CTIF: variants seen among roughly 807,000 people sequenced by gnomAD.
CTIF encodes the protein CBP80/20-dependent translation initiation factor.
Under a neutral mutation model 66.0 loss-of-function variants are expected in CTIF, and 21 were observed. The ratio of observed to expected loss-of-function variants is 0.32; its 90% CI spans 0.23 to 0.46. The LOEUF (loss-of-function observed/expected upper bound fraction) is 0.46, where lower values mean the gene tolerates loss of function less well. CTIF is among the 20% of genes least tolerant of loss of function. The pLI is 1.00. For synonymous variants in CTIF, 345 were observed against 326.4 expected, an observed-to-expected ratio of 1.06 and a Z score of -0.62; for missense variants, 739 against 812.7, an observed-to-expected ratio of 0.91 and a Z score of 1.10.
At chr18:48,580,564 GACACC>G in intron 1 of CTIF, among the ~76,000 whole-genome samples, 1 of 152,090 alleles carries the variant, frequency 6.6e-6, no homozygotes, top group African/African-American at 2.4e-5. Flanking sequence ...ACTTAACCTG[GACACC>G]TTTGGGCCCC....
intron 10 of CTIF, among the ~76,000 whole-genome samples, chr18:48,853,553 C>T (rs1475839749): frequency 6.6e-6 from 1 of 152,210 alleles, no homozygotes. Flanking sequence ...TTAAGGCCCA[C>T]CTCTGCTCAC....
intron 11 of CTIF, among the ~76,000 whole-genome samples, chr18:48,858,669 C>T (rs1208662578): frequency 2.0e-5 from 3 of 152,082 alleles, no homozygotes; most frequent in African/African-American, 4.8e-5. Flanking sequence ...CAGGGGTGTG[C>T]TGGTCCAGGA....
At chr18:48,554,089 G>C (rs2088958699) in intron 1 of CTIF, among the ~76,000 whole-genome samples, 1 of 152,180 alleles carries the variant, frequency 6.6e-6, no homozygotes, top group Admixed American at 6.5e-5. Context: ...AGCTGCTGTG[G>C]TGGAGTGGCT....
chr18:48,575,110 G>A (rs920819815), intron 1 of CTIF, among the ~76,000 whole-genome samples: 1 of 152,234 alleles, frequency 6.6e-6, no homozygotes, highest in African/African-American at 2.4e-5. Context: ...CCAGGGTGCA[G>A]GGGAAAGGTC....
intron 10 of CTIF, chr18:48,825,929 G>C (rs748997566): frequency 1.3e-5 from 2 of 152,176 alleles, no homozygotes; most frequent in Non-Finnish European, 2.9e-5. Flanking sequence ...TCCGGCCAAG[G>C]TTAAGGAACA....
chr18:48,785,059 G>A (rs1412646268), intron 9 of CTIF, among the ~76,000 whole-genome samples: 1 of 152,098 alleles, frequency 6.6e-6, no homozygotes, highest in Admixed American at 6.5e-5. Context: ...TTTGTTTCTG[G>A]AAAAAACAGG....
At chr18:48,651,809 AACTC>A (rs1204583086) in intron 3 of CTIF, among the ~76,000 whole-genome samples, 1 of 152,204 alleles carries the variant, frequency 6.6e-6, no homozygotes, top group Non-Finnish European at 1.5e-5. Context: ...AGGATTAAGA[AACTC>A]ACTCAAAACC....
intron 9 of CTIF, among the ~76,000 whole-genome samples, chr18:48,814,466 G>A (rs57084350): frequency 6.6e-6 from 1 of 152,282 alleles, no homozygotes; most frequent in South Asian, 2.1e-4. Context: ...CAGAGAAGGG[G>A]CTTAATTTTT....
intron 6 of CTIF, among the ~76,000 whole-genome samples, chr18:48,671,775 T>C (rs1244165862): frequency 2.0e-5 from 3 of 151,258 alleles, no homozygotes; most frequent in Admixed American, 2.0e-4. Context: ...TTCTTCATCT[T>C]TTCCCATGGC....
intron 3 of CTIF, among the ~76,000 whole-genome samples, chr18:48,650,095 C>A (rs1036163178): frequency 7.2e-5 from 11 of 152,186 alleles, no homozygotes; most frequent in Admixed American, 2.0e-4. Context: ...CAGCTCCTCG[C>A]CAGCAATGGA....
intron 1 of CTIF, among the ~76,000 whole-genome samples, chr18:48,600,950 T>A (rs1429998389): frequency 6.6e-6 from 1 of 152,192 alleles, no homozygotes; most frequent in Non-Finnish European, 1.5e-5. Context: ...TGTTGAAATC[T>A]GAGAGGCGCC....
rs538446255 is a variant in CTIF, at chr18:48,845,993, C to G, written c.1528-11595C>G. Among the ~76,000 whole-genome samples the G allele has an allele frequency of 1.1e-3, 171 of 152,354 alleles. 1 individual carries two copies. Among genetic ancestry groups the G allele is most frequent in the African/African-American group, 3.9e-3 (163 of 41,580 alleles). On this transcript the variant is annotated intron_variant, in intron 10 of 11. Transcript: ENST00000256413. Reference sequence around the variant, plus strand: ...GCCTCCAGTCCAAACACCACCCTACCTACATCTCCATGCTATGCAAGATAG... The same window carrying G: ...GCCTCCAGTCCAAACACCACCCTACGTACATCTCCATGCTATGCAAGATAG...
chr18:48,740,764 G>T (rs1371360774), intron 7 of CTIF, among the ~76,000 whole-genome samples: 1 of 152,126 alleles, frequency 6.6e-6, no homozygotes, highest in Admixed American at 6.5e-5. Context: ...GTGGACTCCA[G>T]CTCCTGGGAC....
chr18:48,730,004 T>C (rs1409075685), intron 7 of CTIF, among the ~76,000 whole-genome samples: 1 of 152,150 alleles, frequency 6.6e-6, no homozygotes, highest in Non-Finnish European at 1.5e-5. Flanking sequence ...AGGTGGAGTC[T>C]CAGGTGAAGT....
At chr18:48,725,931 A>G (rs1046756981) in intron 7 of CTIF, among the ~76,000 whole-genome samples, 2 of 152,088 alleles carry the variant, frequency 1.3e-5, no homozygotes, top group African/African-American at 4.8e-5. Flanking sequence ...ATTCCAGCCT[A>G]ATGTGTAGGT....
chr18:48,772,126 C>T (rs1910201028), intron 9 of CTIF, among the ~76,000 whole-genome samples: 1 of 152,194 alleles, frequency 6.6e-6, no homozygotes, highest in South Asian at 2.1e-4. Context: ...TGAGGTCCTC[C>T]TCTGGAACCA....
chr18:48,763,350 T>C (rs1369383678), intron 9 of CTIF, among the ~76,000 whole-genome samples: 1 of 152,190 alleles, frequency 6.6e-6, no homozygotes, highest in African/African-American at 2.4e-5. Context: ...TCTTCCAACC[T>C]GCCGTGGTAA....
intron 3 of CTIF, among the ~76,000 whole-genome samples, chr18:48,645,966 C>G (rs2091023604): frequency 6.6e-6 from 1 of 152,308 alleles, no homozygotes; most frequent in South Asian, 2.1e-4. Context: ...ATGACTCTCT[C>G]ATGAGCTAAC....
chr18:48,618,967 A>T (rs568142857), intron 1 of CTIF, among the ~76,000 whole-genome samples: 1 of 152,344 alleles, frequency 6.6e-6, no homozygotes, highest in East Asian at 1.9e-4. Flanking sequence ...GCTGCACCAG[A>T]GCAAGGCTGC....
Sources: allele counts gnomAD v4.1 joint callset (sites outside exome capture counted in the v4.1 genomes callset), GRCh38; gene constraint gnomAD v4.1.1; transcripts MANE v1.5; gene names NCBI Gene and HGNC (gene_info 2026-07-23, HGNC 2026-07-21).